BIRC6: variants seen among roughly 807,000 people sequenced by gnomAD.
BIRC6 encodes the protein baculoviral IAP repeat containing 6.
A neutral mutation model predicts 503.3 loss-of-function variants in BIRC6; 98 were observed. The ratio of observed to expected loss-of-function variants is 0.19; its 90% confidence interval spans 0.17 to 0.23. The LOEUF (loss-of-function observed/expected upper bound fraction) is 0.23. Among genes scored for constraint, BIRC6 ranks in the 10% least tolerant of loss-of-function variants. The pLI is 1.00. For synonymous variants in BIRC6, 2,240 were observed against 2,078.7 expected, an observed-to-expected ratio of 1.08 and a Z score of -2.11; for missense variants, 5,360 against 5,806.0, an observed-to-expected ratio of 0.92 and a Z score of 2.50.
intron 60 of BIRC6, 32 bp downstream of exon 60, chr2:32,529,856 G>T: frequency 7.1e-7 from 1 of 1,415,222 alleles, no homozygotes; most frequent in South Asian, 1.6e-5. Context: ...AAAAATTACA[G>T]ACTGTCATAC....
intron 4 of BIRC6, among the ~76,000 whole-genome samples, chr2:32,390,841 T>G (rs1248218989): frequency 1.3e-5 from 2 of 152,216 alleles, no homozygotes; most frequent in Admixed American, 6.5e-5. Context: ...ACCCTCTTTT[T>G]GTTAGTTAAG....
At chr2:32,385,143 G>A (rs1162175469) in intron 3 of BIRC6, among the ~76,000 whole-genome samples, 1 of 152,322 alleles carries the variant, frequency 6.6e-6, no homozygotes, top group East Asian at 1.9e-4. Flanking sequence ...TGTGATTGGG[G>A]CTATGATTCT....
chr2:32,495,790 G>GTTTTT (rs11464835), intron 45 of BIRC6, among the ~76,000 whole-genome samples: 2 of 84,800 alleles, frequency 2.4e-5, no homozygotes, highest in Non-Finnish European at 4.4e-5. Flanking sequence ...TCAGGATGAA[G>GTTTTT]TTTTTTTTTT....
At chr2:32,542,507 A>T (rs2057745759) in intron 61 of BIRC6, among the ~76,000 whole-genome samples, 1 of 152,226 alleles carries the variant, frequency 6.6e-6, no homozygotes, top group Non-Finnish European at 1.5e-5. Context: ...TTAATGGATA[A>T]GAAGAGAATA....
At chr2:32,509,693 T>C in intron 51 of BIRC6, 45 bp from the exon 52 acceptor site, 1 of 1,607,820 alleles carries the variant, frequency 6.2e-7, no homozygotes, top group Non-Finnish European at 8.5e-7. Context: ...CCCGAAGTGA[T>C]TTGAGCGACT....
chr2:32,404,536 A>T (rs937405362), intron 8 of BIRC6, among the ~76,000 whole-genome samples: 4 of 151,492 alleles, frequency 2.6e-5, no homozygotes, highest in Non-Finnish European at 5.9e-5. Flanking sequence ...CTGGTCTCAA[A>T]CTCCGGGCCT....
rs1376946900 is a variant in BIRC6, at chr2:32,500,613, T to TG, written c.9031+504_9031+505insG. Among the ~76,000 whole-genome samples, 6 of 148,930 alleles carry TG rather than the reference T, an allele frequency of 4.0e-5. No homozygotes were observed. In the East Asian group the frequency reaches 1.2e-3, roughly 29 times the overall value. ...TTTTTTGTTTTTGTTTTTGTTTTTT[T>TG]TTTTTTTTTTGAGATGAAGTCTTGC... On this transcript the variant is annotated intron_variant, in intron 46 of 73. Coordinates refer to ENST00000421745, the MANE Select transcript of BIRC6 (RefSeq NM_016252.4).
rs775083377 is a variant in BIRC6, at chr2:32,442,382, G to T, written c.4165G>T (p.Val1389Leu). 2 of 1,611,704 alleles carry T rather than the reference G, an allele frequency of 1.2e-6. No individual in the cohort carries two copies. The highest frequency in any genetic ancestry group is 2.2e-5 in the East Asian group (1 of 44,858). ...SKTRKFLSDI[V>L]RVCFFEAGRS... is the part of the protein sequence containing the mutation. ...AACACGAAAATTTCTGTCAGACATC[G>T]TACGTGTTTGCTTCTTTGAGGCAGG... Residue 1389 changes from valine (V) to leucine (L), a missense_variant, in exon 19 of 74, where the codon GTA becomes TTA. Val to Leu is a conservative substitution (Grantham distance 32). This residue lies in a region of BIRC6 where 2,299 missense variants were observed against 2,267.2 expected (regional missense o/e 1.01). Transcript: ENST00000421745.
Position 32,575,154 on chromosome 2 carries a change from A to G in BIRC6, c.13145-2A>G. 1 of 1,613,774 alleles carries G rather than the reference A, an allele frequency of 6.2e-7. No homozygotes were observed. Among genetic ancestry groups the G allele is most frequent in the Non-Finnish European group, 8.5e-7 (1 of 1,179,772 alleles). On this transcript the variant is annotated splice_acceptor_variant, in intron 65 of 73. Coordinates refer to ENST00000421745, the MANE Select transcript of BIRC6 (RefSeq NM_016252.4). LOFTEE classifies it high-confidence loss of function. Reference sequence around the variant, plus strand: ...TTGTGCTTTTTCTTCTTCTCCTTATAGTTCTGGACATGGCAAGACATGTGC... The same window carrying G: ...TTGTGCTTTTTCTTCTTCTCCTTATGGTTCTGGACATGGCAAGACATGTGC...
chr2:32,436,028 GAA>G, intron 14 of BIRC6, 23 bp from the exon 15 acceptor site: 1 of 1,308,786 alleles, frequency 7.6e-7, no homozygotes, highest in Non-Finnish European at 1.0e-6. Flanking sequence ...GAATTTAAAA[GAA>G]AAATATGTAT....
Position 32,429,221 on chromosome 2 carries a change from C to A in BIRC6, c.2948C>A (p.Ser983Tyr). Residue 983 changes from serine (S) to tyrosine (Y), a missense_variant, in exon 11 of 74, where the codon TCT (serine) becomes TAT (tyrosine). Physicochemically the swap from Ser to Tyr is moderately radical, Grantham distance 144. Around this residue, in one of 16 missense-constraint regions of BIRC6, gnomAD observed 700 missense variants for 739.3 expected, o/e 0.95. Coordinates refer to ENST00000421745, the MANE Select transcript of BIRC6 (RefSeq NM_016252.4). ...GAAGCTGATATACTAGTGGATGGAT[C>A]TCTTTCTAAAGGAATAGAACCATCT... ...IDEADILVDG[S>Y]LSKGIEPSSE... 6.4e-7 allele frequency: 1 copy of A among 1,569,668 alleles called. No individual in the cohort carries two copies. The highest frequency in any genetic ancestry group is 8.7e-7 in the Non-Finnish European group (1 of 1,155,402).
intron 69 of BIRC6, among the ~76,000 whole-genome samples, chr2:32,599,021 C>CAAAAAAA (rs35744882): frequency 7.2e-5 from 2 of 27,818 alleles, no homozygotes; most frequent in African/African-American, 1.5e-4. Flanking sequence ...AACTCCATCT[C>CAAAAAAA]AAAAAAAAAA....
At chr2:32,461,072 C>CTTCTCTTCTCTTCTCTTCTT (rs1558790076) in intron 23 of BIRC6, among the ~76,000 whole-genome samples, 1 of 7,132 alleles carries the variant, frequency 1.4e-4, no homozygotes, top group African/African-American at 3.1e-4. Flanking sequence ...CTTCTGTTCT[C>CTTCTCTTCTCTTCTCTTCTT]CTCTCCTCTC....
intron 4 of BIRC6, among the ~76,000 whole-genome samples, chr2:32,391,146 TC>T (rs2149552932): frequency 6.6e-6 from 1 of 152,332 alleles, no homozygotes; most frequent in East Asian, 1.9e-4. Flanking sequence ...TTGCAGTGTT[TC>T]TAAAGAAATC....
intron 6 of BIRC6, among the ~76,000 whole-genome samples, chr2:32,397,612 G>GTATATATATATACACACACACACATATA (rs1558617117): frequency 2.3e-5 from 3 of 130,860 alleles, no homozygotes; most frequent in African/African-American, 8.5e-5. Context: ...GTGTATATAT[G>GTATATATATATACACACACACACATATA]TGTGTATATA....
At chr2:32,550,067 A>T (rs558213702) in intron 65 of BIRC6, among the ~76,000 whole-genome samples, 2 of 152,310 alleles carry the variant, frequency 1.3e-5, no homozygotes, top group South Asian at 4.1e-4. Context: ...AGAAAGTTAC[A>T]TGTTCAGAAA....
At chr2:32,576,910 C>A (rs2060305994) in intron 66 of BIRC6, among the ~76,000 whole-genome samples, 1 of 152,108 alleles carries the variant, frequency 6.6e-6, no homozygotes, top group African/African-American at 2.4e-5. Context: ...TAGACTCATA[C>A]AACTCTGTTA....
At chr2:32,558,169 G>A (rs2886813) in intron 65 of BIRC6, among the ~76,000 whole-genome samples, 146,466 of 152,262 alleles carry the variant, frequency 0.96, 70,551 homozygotes, top group East Asian at 1. Flanking sequence ...AAAATCTGTT[G>A]TTTTTAACAT....
chr2:32,419,316 A>G (rs1416788684), intron 10 of BIRC6, among the ~76,000 whole-genome samples: 1 of 152,190 alleles, frequency 6.6e-6, no homozygotes, highest in Non-Finnish European at 1.5e-5. Flanking sequence ...TTTTCATAAA[A>G]ATAAATCTAT....
Sources: gnomAD v4.1 joint callset for allele counts (sites outside exome capture counted in the v4.1 genomes callset) on GRCh38, gnomAD v4.1.1 for gene constraint, gnomAD v4.1.1 regional missense constraint, MANE v1.5 for transcripts, NCBI Gene and HGNC (gene_info 2026-07-23, HGNC 2026-07-21) for gene names.